DNAH7: variants seen among roughly 807,000 people sequenced by gnomAD.
The protein encoded by DNAH7 is axonemal beta dynein heavy chain 7.
In DNAH7, 397 loss-of-function variants were observed where a neutral mutation model predicts 444.6. The ratio of observed to expected loss-of-function variants is 0.89; its 90% CI spans 0.82 to 0.97. The LOEUF (loss-of-function observed/expected upper bound fraction) is 0.97, where lower values mean the gene tolerates loss of function less well. Among genes scored for constraint, DNAH7 ranks in the 50% least tolerant of loss-of-function variants. The pLI, the probability that DNAH7 is intolerant of heterozygous loss-of-function variation, is 0.00. For missense variants in DNAH7, 4,902 were observed against 4,800.8 expected, an observed-to-expected ratio of 1.02 and a Z score of -0.62; for synonymous variants, 1,636 against 1,624.4, an observed-to-expected ratio of 1.01 and a Z score of -0.17.
chr2:195,855,783 G>C (rs374853229), intron 45 of DNAH7, 28 bp downstream of exon 45: 5 of 1,604,806 alleles, frequency 3.1e-6, no homozygotes, highest in South Asian at 1.1e-5. Flanking sequence ...CTGAGAATTT[G>C]TCCATCTTTT....
At chr2:195,775,136 T>C (rs1695004972) in intron 60 of DNAH7, among the ~76,000 whole-genome samples, 1 of 152,176 alleles carries the variant, frequency 6.6e-6, no homozygotes, top group Non-Finnish European at 1.5e-5. Flanking sequence ...ACCCAATCTA[T>C]CTCTTAATAG....
intron 1 of DNAH7, among the ~76,000 whole-genome samples, chr2:196,066,309 T>C (rs1474349890): frequency 6.6e-6 from 1 of 152,252 alleles, no homozygotes; most frequent in Non-Finnish European, 1.5e-5. Flanking sequence ...GTTGTTAAAG[T>C]TATCACCATG....
intron 7 of DNAH7, among the ~76,000 whole-genome samples, chr2:196,025,710 T>C (rs903044762): frequency 6.6e-6 from 1 of 152,192 alleles, no homozygotes; most frequent in Admixed American, 6.5e-5. Flanking sequence ...TGCTTTATAT[T>C]TAGTTAATTG....
chr2:196,005,401 A>G (rs1369642987), intron 10 of DNAH7, among the ~76,000 whole-genome samples: 1 of 152,022 alleles, frequency 6.6e-6, no homozygotes, highest in Non-Finnish European at 1.5e-5. Context: ...ATAGAAAAAT[A>G]AAGAAAAATC....
chr2:195,930,677 A>C (rs747320055), intron 21 of DNAH7, among the ~76,000 whole-genome samples: 26 of 152,220 alleles, frequency 1.7e-4, no homozygotes, highest in Non-Finnish European at 3.8e-4. Flanking sequence ...ATTACTGAGT[A>C]TATATCCAAA....
chr2:195,787,843 C>G (rs1267529395), intron 57 of DNAH7, among the ~76,000 whole-genome samples: 1 of 152,054 alleles, frequency 6.6e-6, no homozygotes, highest in African/African-American at 2.4e-5. Flanking sequence ...AACAGTGGGC[C>G]CATCCAGTGG....
intron 12 of DNAH7, chr2:195,994,232 G>A: frequency 3.2e-6 from 1 of 310,210 alleles, no homozygotes; most frequent in Non-Finnish European, 6.2e-6. Context: ...TAAGGAGAAT[G>A]CACATGAAGC....
At chr2:196,027,576 T>A (rs1414300971) in intron 6 of DNAH7, among the ~76,000 whole-genome samples, 1 of 152,084 alleles carries the variant, frequency 6.6e-6, no homozygotes, top group East Asian at 1.9e-4. Context: ...ATTTACATTT[T>A]AAAAAATTAT....
intron 24 of DNAH7, among the ~76,000 whole-genome samples, chr2:195,916,064 T>C (rs1203838942): frequency 2.0e-5 from 3 of 152,348 alleles, no homozygotes; most frequent in Non-Finnish European, 4.4e-5. Flanking sequence ...GGCAATTTTA[T>C]GGAGAACAGA....
intron 63 of DNAH7, among the ~76,000 whole-genome samples, chr2:195,746,903 C>G (rs1190245913): frequency 6.6e-6 from 1 of 151,788 alleles, no homozygotes; most frequent in Admixed American, 6.6e-5. Context: ...AGGAAAGATC[C>G]AAAATTGACA....
intron 30 of DNAH7, among the ~76,000 whole-genome samples, chr2:195,892,311 C>T (rs1163340800): frequency 1.3e-5 from 2 of 151,970 alleles, no homozygotes; most frequent in South Asian, 2.1e-4. Flanking sequence ...TTTGCTGACC[C>T]CTGCTACAAA....
chr2:195,778,031 A>G (rs1695145194), intron 58 of DNAH7, 46 bp from the exon 59 acceptor site: 2 of 1,469,298 alleles, frequency 1.4e-6, no homozygotes, highest in Non-Finnish European at 1.8e-6. Context: ...AGCATGTTAT[A>G]CAGAATCGTG....
intron 5 of DNAH7, among the ~76,000 whole-genome samples, chr2:196,034,641 C>T (rs1439037167): frequency 2.0e-5 from 3 of 152,034 alleles, no homozygotes; most frequent in South Asian, 4.1e-4. Context: ...TACTATGAAG[C>T]TAAAGTAATC....
chr2:195,927,426 G>C (rs1218099775), intron 21 of DNAH7, among the ~76,000 whole-genome samples: 1 of 152,030 alleles, frequency 6.6e-6, no homozygotes, highest in African/African-American at 2.4e-5. Flanking sequence ...GCTGGGTGTT[G>C]ATATTAAAGA....
At chr2:195,838,362 CA>C (rs1474966695) in intron 47 of DNAH7, among the ~76,000 whole-genome samples, 2 of 151,726 alleles carry the variant, frequency 1.3e-5, no homozygotes, top group Non-Finnish European at 2.9e-5. Context: ...AAGAAATAGA[CA>C]GATTTGAAAT....
chr2:196,032,618 T>C (rs918263126), intron 5 of DNAH7, among the ~76,000 whole-genome samples: 9 of 152,246 alleles, frequency 5.9e-5, no homozygotes, highest in Admixed American at 1.3e-4. Flanking sequence ...AGTACACTAA[T>C]TGAATTAGTA....
At chr2:195,823,695 C>T (rs1239428021) in intron 49 of DNAH7, among the ~76,000 whole-genome samples, 1 of 152,042 alleles carries the variant, frequency 6.6e-6, no homozygotes, top group Non-Finnish European at 1.5e-5. Flanking sequence ...AGAAGTAGGA[C>T]TAAAAACAGA....
chr2:195,917,486 T>A (rs1687761487), intron 24 of DNAH7, among the ~76,000 whole-genome samples: 1 of 152,146 alleles, frequency 6.6e-6, no homozygotes, highest in Admixed American at 6.5e-5. Context: ...AGTCAAAAGG[T>A]CAAACTGTGC....
chr2:195,953,991 T>C (rs1431796393), intron 19 of DNAH7, among the ~76,000 whole-genome samples: 1 of 152,144 alleles, frequency 6.6e-6, no homozygotes, highest in Non-Finnish European at 1.5e-5. Flanking sequence ...AAAGAGAAAA[T>C]GCAAAGCAGA....
Sources: allele counts gnomAD v4.1 joint callset (sites outside exome capture counted in the v4.1 genomes callset), GRCh38; gene constraint gnomAD v4.1.1; transcripts MANE v1.5; gene names NCBI Gene and HGNC (gene_info 2026-07-23, HGNC 2026-07-21).